Variants in RYR2 observed in about 807,000 individuals in gnomAD.
RYR2 encodes the protein ryanodine receptor 2, also known as cardiac muscle ryanodine receptor-calcium release channel.
A neutral mutation model predicts 601.1 loss-of-function variants in RYR2; 227 were observed. That is an observed-to-expected ratio of 0.38 (90% CI 0.34 to 0.42). The LOEUF is 0.42. Among genes scored for constraint, RYR2 ranks in the 10% least tolerant of loss-of-function variants. The probability of loss-of-function intolerance (pLI) is 1.00; values close to 1 mark genes in which losing one functional copy is unlikely to be tolerated. For synonymous variants in RYR2, 2,223 were observed against 2,175.1 expected (o/e 1.02, Z -0.61); for missense variants, 4,646 against 6,156.5 (o/e 0.75, Z 8.21).
chr1:237,323,083 C>T (rs1695790300), intron 2 of RYR2, among the ~76,000 whole-genome samples: 1 of 152,106 alleles, frequency 6.6e-6, no homozygotes, highest in African/African-American at 2.4e-5. Context: ...CAACCTAGAG[C>T]TCCACTTTTC....
chr1:237,423,000 A>G, intron 11 of RYR2, 92 bp from the exon 12 acceptor site: 1 of 1,416,692 alleles, frequency 7.1e-7, no homozygotes. Flanking sequence ...AAGACAATAT[A>G]TATGACTGTT....
chr1:237,520,863 C>A (rs565307527), intron 24 of RYR2, among the ~76,000 whole-genome samples: 1 of 152,094 alleles, frequency 6.6e-6, no homozygotes, highest in African/African-American at 2.4e-5. Context: ...TGGTGAAACC[C>A]CAACTTTATT....
chr1:237,809,465 A>G (rs554740228), intron 100 of RYR2, among the ~76,000 whole-genome samples: 16 of 152,308 alleles, frequency 1.1e-4, no homozygotes, highest in African/African-American at 3.6e-4. Flanking sequence ...TATATTGAGT[A>G]TCTTGGCTTA....
intron 1 of RYR2, among the ~76,000 whole-genome samples, chr1:237,105,361 A>G (rs1668548220): frequency 6.6e-6 from 1 of 152,164 alleles, no homozygotes; most frequent in Admixed American, 6.5e-5. Context: ...TGAGAGTAGA[A>G]CAGGATAAGG....
intron 2 of RYR2, among the ~76,000 whole-genome samples, chr1:237,307,168 C>CCT (rs35449419): frequency 0.48 from 73,397 of 151,874 alleles, 20,743 homozygotes; most frequent in Non-Finnish European, 0.62. Flanking sequence ...TTTACATGCA[C>CCT]CTGGTGTATC....
chr1:237,223,530 G>C (rs1684049876), intron 1 of RYR2, among the ~76,000 whole-genome samples: 1 of 152,104 alleles, frequency 6.6e-6, no homozygotes, highest in African/African-American at 2.4e-5. Flanking sequence ...TCCTGTAGTT[G>C]GTATTTTTAC....
At chr1:237,223,255 G>T (rs1182014741) in intron 1 of RYR2, among the ~76,000 whole-genome samples, 1 of 152,136 alleles carries the variant, frequency 6.6e-6, no homozygotes, top group African/African-American at 2.4e-5. Flanking sequence ...CAAGGTACTG[G>T]CATCTGGTTA....
intron 1 of RYR2, among the ~76,000 whole-genome samples, chr1:237,190,630 C>T (rs917865369): frequency 7.2e-5 from 11 of 152,128 alleles, no homozygotes; most frequent in Non-Finnish European, 8.8e-5. Context: ...ATAAAAAATA[C>T]TGCCTAACAA....
At chr1:237,688,571 A>G (rs1686649556) in intron 63 of RYR2, among the ~76,000 whole-genome samples, 1 of 152,194 alleles carries the variant, frequency 6.6e-6, no homozygotes, top group Non-Finnish European at 1.5e-5. Flanking sequence ...ATGAAAATTT[A>G]TATTTCATTA....
In RYR2 at chr1:237,649,895, G is replaced by A. The variant is rs756693382; in HGVS notation, c.7531G>A (p.Asp2511Asn). 1 of 1,613,836 alleles carries A rather than the reference G, an allele frequency of 6.2e-7. No homozygotes were observed. The highest frequency in any genetic ancestry group is 8.5e-7 in the Non-Finnish European group (1 of 1,179,876). Reference protein sequence around the residue: ...SLDTAALSATDMALALNRYLC... With the variant: ...SLDTAALSATNMALALNRYLC... ...TTTTCAGGCAGCTTTGAGTGCTACA[G>A]ACATGGCCTTGGCCCTCAATCGGTA... Residue 2511 changes from aspartate (D) to asparagine (N), a missense_variant, in exon 50 of 105, where the codon GAC becomes AAC. Around this residue, in one of 17 missense-constraint regions of RYR2, gnomAD observed 1,497 missense variants for 1,842.6 expected, o/e 0.81. Coordinates refer to ENST00000366574, the MANE Select transcript of RYR2 (RefSeq NM_001035.3).
chr1:237,562,769 G>A (rs722584), intron 27 of RYR2, among the ~76,000 whole-genome samples: 44,849 of 151,794 alleles, frequency 0.3, 6,849 homozygotes, highest in East Asian at 0.47. Flanking sequence ...TAAATATATC[G>A]TGTTTAAAAT....
chr1:237,410,049 C>T (rs1704289785), intron 10 of RYR2, among the ~76,000 whole-genome samples: 1 of 152,034 alleles, frequency 6.6e-6, no homozygotes, highest in South Asian at 2.1e-4. Context: ...GTATCATTTC[C>T]CCATTGCTCT....
intron 1 of RYR2, among the ~76,000 whole-genome samples, chr1:237,147,958 G>A (rs1433853313): frequency 6.6e-6 from 1 of 152,192 alleles, no homozygotes; most frequent in African/African-American, 2.4e-5. Flanking sequence ...CCTTTTCATG[G>A]CACCCTATCT....
intron 1 of RYR2, among the ~76,000 whole-genome samples, chr1:237,187,499 A>C (rs1679499965): frequency 7.1e-6 from 1 of 140,698 alleles, no homozygotes. Context: ...GCTGAAGTGC[A>C]GTGGCATGGT....
chr1:237,216,362 G>T (rs563206153), intron 1 of RYR2, among the ~76,000 whole-genome samples: 25 of 152,194 alleles, frequency 1.6e-4, no homozygotes, highest in African/African-American at 5.8e-4. Context: ...AAATCACTAG[G>T]CTATCATGAA....
rs750241202 is a variant in RYR2 at position 237,643,402 on chromosome 1, G to T, written c.7297G>T (p.Val2433Leu). The change falls in exon 48 of 105, where the codon GTG becomes TTG. Residue 2433 changes from valine (V) to leucine (L), a missense_variant. Val to Leu is a conservative substitution (Grantham distance 32). Coordinates refer to ENST00000366574, the MANE Select transcript of RYR2 (RefSeq NM_001035.3). ...LRSLIPLGDL[V>L]GVISIAFQMP... ...ATCCCTCATTCCCCTGGGAGATTTG[G>T]TGGGCGTTATCAGCATCGCTTTTCA... 5 of 1,613,856 alleles carry T rather than the reference G, an allele frequency of 3.1e-6. No individual in the cohort carries two copies. The South Asian group carries it at 4.4e-5, about 14-fold the overall frequency.
intron 24 of RYR2, among the ~76,000 whole-genome samples, chr1:237,514,737 G>A (rs555310324): frequency 6.6e-6 from 1 of 152,272 alleles, no homozygotes; most frequent in East Asian, 1.9e-4. Context: ...AATGTTGCTG[G>A]AGTCACTCAA....
At chr1:237,423,353 T>A (rs898195458) in intron 12 of RYR2, 105 bp downstream of exon 12, 3 of 1,279,156 alleles carry the variant, frequency 2.3e-6, no homozygotes, top group South Asian at 2.9e-5. Context: ...TGTAAGTATG[T>A]CTTATGTGTA....
chr1:237,152,875 G>A (rs1210732529), intron 1 of RYR2, among the ~76,000 whole-genome samples: 10 of 151,990 alleles, frequency 6.6e-5, no homozygotes, highest in Admixed American at 1.3e-4. Flanking sequence ...CAGGCAACCC[G>A]CAGAATGGGA....
Sources: allele counts gnomAD v4.1 joint callset (sites outside exome capture counted in the v4.1 genomes callset), GRCh38; gene constraint gnomAD v4.1.1; regional missense constraint gnomAD v4.1.1; transcripts MANE v1.5; gene names NCBI Gene and HGNC (gene_info 2026-07-23, HGNC 2026-07-21).